ERC1: variants seen among roughly 807,000 people sequenced by gnomAD.
ERC1 encodes the protein ELKS/RAB6-interacting/CAST family member 1.
Under a neutral mutation model 132.0 loss-of-function variants are expected in ERC1, and 56 were observed. The observed-to-expected ratio is 0.42, with a 90% CI of 0.34 to 0.53. The LOEUF (loss-of-function observed/expected upper bound fraction) is 0.53. ERC1 is among the 20% of genes least tolerant of loss of function. The probability of loss-of-function intolerance (pLI) is 0.03; values close to 1 mark genes in which losing one functional copy is unlikely to be tolerated. For synonymous variants in ERC1, 478 were observed against 476.1 expected, an observed-to-expected ratio of 1.00 and a Z score of -0.05; for missense variants, 1,202 against 1,349.9, an observed-to-expected ratio of 0.89 and a Z score of 1.72.
intron 16 of ERC1, among the ~76,000 whole-genome samples, chr12:1,377,714 G>A (rs2088114675): frequency 6.6e-6 from 1 of 152,090 alleles, no homozygotes; most frequent in African/African-American, 2.4e-5. Flanking sequence ...TCCTCCTCGT[G>A]GAAAAGGCTA....
intron 12 of ERC1, among the ~76,000 whole-genome samples, chr12:1,198,373 T>C (rs907574423): frequency 1.3e-5 from 2 of 152,232 alleles, no homozygotes; most frequent in Admixed American, 6.5e-5. Flanking sequence ...CCTCCAACTC[T>C]AGTAGAGAGA....
intron 18 of ERC1, among the ~76,000 whole-genome samples, chr12:1,487,313 G>A (rs1416949358): frequency 6.7e-6 from 1 of 149,278 alleles, no homozygotes. Flanking sequence ...TCTTGACTCA[G>A]AGCATCTAGA....
In ERC1 at chr12:1,007,485, TCTCTC is replaced by T. The variant is rs1565768616; in HGVS notation, c.-157+16164_-157+16168del. 8.8e-3 allele frequency among the ~76,000 whole-genome samples: 1,299 copies of T among 147,630 alleles called. 25 individuals are homozygous for T. Among genetic ancestry groups the T allele is most frequent in the African/African-American group, 0.033 (1,226 of 37,712 alleles). ...TTCTCTCTCTCTCTCTCTCTCTCTCTCTCTCTCTTTCTCTCTCTCTCACTGGGTAA... is the reference window on the plus strand; with the variant it reads ...TTCTCTCTCTCTCTCTCTCTCTCTCTTCTTTCTCTCTCTCTCACTGGGTAA... On this transcript the variant is annotated intron_variant, in intron 1 of 18. Transcript: ENST00000360905.
At chr12:1,472,104 T>G (rs1452506230) in intron 18 of ERC1, among the ~76,000 whole-genome samples, 1 of 152,122 alleles carries the variant, frequency 6.6e-6, no homozygotes, top group Admixed American at 6.5e-5. Context: ...GGTCTCGTTG[T>G]TCCATTGTTG....
intron 2 of ERC1, among the ~76,000 whole-genome samples, chr12:1,043,292 C>T (rs1169990617): frequency 6.6e-6 from 1 of 152,126 alleles, no homozygotes; most frequent in Non-Finnish European, 1.5e-5. Context: ...ATCTGCCTGC[C>T]TTGGCCTCCC....
In ERC1 at chr12:1,318,914, G is replaced by C. The variant is rs555359152; in HGVS notation, c.2780+28902G>C. Among the ~76,000 whole-genome samples the C allele has an allele frequency of 3.9e-5, 6 of 152,268 alleles. No homozygotes were observed. The East Asian group carries it at 1.2e-3, about 29-fold the overall frequency. On this transcript the variant is annotated intron_variant, in intron 15 of 18. Coordinates refer to ENST00000360905, the MANE Select transcript of ERC1 (RefSeq NM_178040.4). ...CAGTGTTTGGGTGCAGCAGCTCCAAGCAACAGTCTCTCCAAGTTAACTGCC... is the reference window on the plus strand; with the variant it reads ...CAGTGTTTGGGTGCAGCAGCTCCAACCAACAGTCTCTCCAAGTTAACTGCC...
rs766008141 is a variant in ERC1 at position 1,141,712 on chromosome 12, A to G, written c.1662A>G (p.Thr554=). The G allele has an allele frequency of 6.2e-7, 1 of 1,613,640 alleles. No individual in the cohort carries two copies. Among genetic ancestry groups the G allele is most frequent in the South Asian group, 1.1e-5 (1 of 90,998 alleles). ...AGGATATGGCTGAAGAGAAGGGGAC[A>G]CAAGCTGGAGAGATACATGACCTCA... is the stretch of plus-strand genomic sequence containing the variant. ...QIQDMAEEKG[T]QAGEIHDLKD... is the part of the protein sequence containing the mutation. Residue 554 remains threonine, a synonymous_variant, in exon 8 of 19, where the codon ACA becomes ACG. Coordinates refer to ENST00000360905, the MANE Select transcript of ERC1 (RefSeq NM_178040.4).
At chr12:1,027,323 T>C (rs750848495) in intron 1 of ERC1, 2 of 152,298 alleles carry the variant, frequency 1.3e-5, no homozygotes, top group African/African-American at 2.4e-5. Context: ...GCAAGTCAGA[T>C]ATTCAGACAT....
At chr12:997,319 T>G (rs990823886) in intron 1 of ERC1, among the ~76,000 whole-genome samples, 8 of 152,232 alleles carry the variant, frequency 5.3e-5, no homozygotes, top group Non-Finnish European at 8.8e-5. Flanking sequence ...CAGCTAGGCT[T>G]TTTCATGTCG....
At chr12:994,457 G>A (rs533741747) in intron 1 of ERC1, among the ~76,000 whole-genome samples, 5 of 152,302 alleles carry the variant, frequency 3.3e-5, no homozygotes, top group East Asian at 1.9e-4. Context: ...ATGGTATGAT[G>A]TAGGGCAAAC....
chr12:1,424,722 A>C lies in ERC1; in HGVS notation c.3024+16475A>C, dbSNP rs191668199. ...TTTGACCTTTGAAAAAGAAATAAAC[A>C]CTGAAGTAATTGCCTGTGATTCTCT... On this transcript the variant is annotated intron_variant, in intron 17 of 18. Coordinates refer to ENST00000360905, the MANE Select transcript of ERC1 (RefSeq NM_178040.4). 5.9e-5 allele frequency among the ~76,000 whole-genome samples: 9 copies of C among 152,280 alleles called. No homozygotes were observed. In the South Asian group the frequency reaches 6.2e-4, roughly 11 times the overall value.
At chr12:1,358,420 T>G (rs962861098) in intron 15 of ERC1, among the ~76,000 whole-genome samples, 1 of 152,114 alleles carries the variant, frequency 6.6e-6, no homozygotes. Context: ...TATATACTTA[T>G]TGGATTAGGA....
At chr12:1,358,042 TAGG>T (rs1398482054) in intron 15 of ERC1, among the ~76,000 whole-genome samples, 3 of 151,944 alleles carry the variant, frequency 2.0e-5, no homozygotes, top group African/African-American at 7.3e-5. Context: ...GCCAGGAAAA[TAGG>T]AGATTTGCCC....
In ERC1 at chr12:1,425,240, G is replaced by C. The variant is rs142774538; in HGVS notation, c.3024+16993G>C. On this transcript the variant is annotated intron_variant, in intron 17 of 18. Transcript: ENST00000360905. ...ATAATTTTAGTAGGCACTTATGCTG[G>C]ATTGTGCTTGGTAGTTGGCAGTGAG... 2.0e-5 allele frequency among the ~76,000 whole-genome samples: 3 copies of C among 152,290 alleles called. No individual in the cohort carries two copies. In the East Asian group the frequency reaches 5.8e-4, roughly 29 times the overall value.
At position 1,038,286 on chromosome 12, in the gene ERC1, T is replaced by C. The variant is rs146445203; in HGVS notation, c.669+9714T>C. Among the ~76,000 whole-genome samples, 329 of 152,082 alleles carry C rather than the reference T, an allele frequency of 2.2e-3. 1 individual carries two copies. The highest frequency in any genetic ancestry group is 7.7e-3 in the African/African-American group (319 of 41,492). On this transcript the variant is annotated intron_variant, in intron 2 of 18. Transcript: ENST00000360905. ...TCCTCCCAGGTCCTTTTGTCCTTTT[T>C]CTCCCTCCCCATCTCCTTTCCTTCT...
chr12:1,219,624 G>A, intron 12 of ERC1, among the ~76,000 whole-genome samples: 1 of 145,292 alleles, frequency 6.9e-6, no homozygotes, highest in South Asian at 2.2e-4. Flanking sequence ...GTAGCAATCA[G>A]ACTGAACTCT....
At chr12:1,195,346 T>G (rs1433142554) in intron 12 of ERC1, among the ~76,000 whole-genome samples, 1 of 152,188 alleles carries the variant, frequency 6.6e-6, no homozygotes, top group Non-Finnish European at 1.5e-5. Flanking sequence ...AACTTCAGTT[T>G]CTCCCTTTTG....
intron 8 of ERC1, among the ~76,000 whole-genome samples, chr12:1,177,282 CTGTT>C (rs754661507): frequency 1.1e-4 from 16 of 152,152 alleles, no homozygotes; most frequent in South Asian, 2.1e-4. Flanking sequence ...AGTAACTTGA[CTGTT>C]TGGTTCCAGA....
At chr12:1,446,548 A>G (rs576178358) in intron 18 of ERC1, among the ~76,000 whole-genome samples, 4 of 152,138 alleles carry the variant, frequency 2.6e-5, no homozygotes, top group Admixed American at 1.3e-4. Context: ...AATACTTTCT[A>G]TTTCTTAAAT....
Sources: gnomAD v4.1 joint callset for allele counts (sites outside exome capture counted in the v4.1 genomes callset) on GRCh38, gnomAD v4.1.1 for gene constraint, MANE v1.5 for transcripts, NCBI Gene and HGNC (gene_info 2026-07-23, HGNC 2026-07-21) for gene names.